The following PYY variants were observed in gnomAD, a reference collection of about 807,000 sequenced individuals.
PYY encodes peptide YY.
PYY carries 12 observed loss-of-function variants against 10.3 expected under a neutral mutation model. That is an observed-to-expected ratio of 1.17 (90% CI 0.75 to 1.89). The LOEUF (loss-of-function observed/expected upper bound fraction) is 1.89, where lower values mean the gene tolerates loss of function less well. PYY is among the 40% of genes most tolerant of loss of function. The pLI, the probability that PYY is intolerant of heterozygous loss-of-function variation, is 0.00. For missense variants in PYY, 141 were observed against 134.0 expected (o/e 1.05, Z -0.26); for synonymous variants, 66 against 62.0 (o/e 1.06, Z -0.30).
intron 1 of PYY, among the ~76,000 whole-genome samples, chr17:43,984,928 AGTT>A (rs72122591): frequency 0.16 from 24,272 of 152,142 alleles, 2,167 homozygotes; most frequent in Non-Finnish European, 0.21. Context: ...TCTCTTCTAA[AGTT>A]GTAGAAAAGT....
chr17:43,999,814 T>C (rs147073612), intron 1 of PYY, among the ~76,000 whole-genome samples: 9 of 150,388 alleles, frequency 6.0e-5, no homozygotes, highest in Admixed American at 6.0e-4. Context: ...GGAAAATAAC[T>C]GTGTTTATAT....
chr17:43,962,821 G>A (rs1186813599), intron 2 of PYY, among the ~76,000 whole-genome samples: 1 of 152,170 alleles, frequency 6.6e-6, no homozygotes, highest in Non-Finnish European at 1.5e-5. Context: ...AGCAGGCGAG[G>A]GCAAGGGCAC....
At chr17:43,988,529 AG>A (rs547949581) in intron 1 of PYY, among the ~76,000 whole-genome samples, 1 of 152,106 alleles carries the variant, frequency 6.6e-6, no homozygotes, top group Non-Finnish European at 1.5e-5. Context: ...TGCCACCCTG[AG>A]CACTCCAGGG....
intron 2 of PYY, among the ~76,000 whole-genome samples, chr17:43,965,440 C>T (rs2048747448): frequency 6.7e-6 from 1 of 149,520 alleles, no homozygotes; most frequent in Non-Finnish European, 1.5e-5. Flanking sequence ...GAGATCATGC[C>T]ATTGCACTCC....
chr17:43,989,908 AT>A (rs2143952870), intron 1 of PYY, among the ~76,000 whole-genome samples: 23 of 129,694 alleles, frequency 1.8e-4, no homozygotes, highest in South Asian at 2.6e-4. Context: ...ATACACACAA[AT>A]CTATAAGTAA....
At chr17:43,957,448 A>G (rs1016880412), upstream of PYY, among the ~76,000 whole-genome samples, 1 of 152,114 alleles carries the variant, frequency 6.6e-6, no homozygotes, top group Non-Finnish European at 1.5e-5. Context: ...ATCTGAGGCC[A>G]GGAGTTCAAG....
At chr17:43,980,781 T>A (rs952770677) in intron 1 of PYY, among the ~76,000 whole-genome samples, 3 of 152,158 alleles carry the variant, frequency 2.0e-5, no homozygotes, top group African/African-American at 7.2e-5. Context: ...CACATAGTAT[T>A]CTTTTAGGTT....
intron 1 of PYY, among the ~76,000 whole-genome samples, chr17:43,984,433 C>T (rs2048903277): frequency 6.6e-6 from 1 of 152,252 alleles, no homozygotes; most frequent in South Asian, 2.1e-4. Context: ...TAATATCTAA[C>T]TGAACTGGGG....
intron 1 of PYY, among the ~76,000 whole-genome samples, chr17:43,986,922 T>A (rs1236122338): frequency 1.3e-5 from 2 of 152,174 alleles, no homozygotes; most frequent in African/African-American, 4.8e-5. Context: ...AGCAATCCTA[T>A]GAGGTTCACA....
At chr17:43,980,353 G>A (rs2048874780) in intron 1 of PYY, among the ~76,000 whole-genome samples, 1 of 151,438 alleles carries the variant, frequency 6.6e-6, no homozygotes, top group Non-Finnish European at 1.5e-5. Flanking sequence ...TAGTAGAGAT[G>A]GGGTTTCACC....
intron 1 of PYY, among the ~76,000 whole-genome samples, chr17:43,980,174 T>G (rs1464544589): frequency 2.0e-5 from 3 of 147,246 alleles, no homozygotes; most frequent in Non-Finnish European, 4.5e-5. Context: ...TTTTTTTTTT[T>G]TTTTTCTGAG....
At chr17:43,959,035 C>T (rs1458744151) in intron 2 of PYY, among the ~76,000 whole-genome samples, 2 of 152,182 alleles carry the variant, frequency 1.3e-5, no homozygotes, top group Admixed American at 6.5e-5. Context: ...CATCAGATTG[C>T]TTCACAAGTG....
At chr17:44,003,670 C>CAA (rs34426332) in intron 1 of PYY, among the ~76,000 whole-genome samples, 28 of 17,156 alleles carry the variant, frequency 1.6e-3, no homozygotes, top group Admixed American at 2.6e-3. Context: ...AACAAACAAA[C>CAA]AAAAAAAAAA....
intron 2 of PYY, 31 bp downstream of exon 2, chr17:43,953,265 C>T (rs990030011): frequency 1.2e-6 from 2 of 1,603,848 alleles, no homozygotes; most frequent in African/African-American, 2.8e-5. Flanking sequence ...GGGTGAGAGC[C>T]CCAGGGGTCC....
upstream of PYY, among the ~76,000 whole-genome samples, chr17:43,954,590 C>G (rs2048660116): frequency 6.6e-6 from 1 of 152,156 alleles, no homozygotes; most frequent in Non-Finnish European, 1.5e-5. Flanking sequence ...AGGCAGAAAC[C>G]AATCTCCCCG....
chr17:43,964,842 G>A (rs2048743507), intron 2 of PYY, among the ~76,000 whole-genome samples: 1 of 152,182 alleles, frequency 6.6e-6, no homozygotes. Flanking sequence ...GTAATAACTG[G>A]TGGTGCCAGT....
At chr17:43,998,886 T>C (rs2049007204) in intron 1 of PYY, among the ~76,000 whole-genome samples, 1 of 152,158 alleles carries the variant, frequency 6.6e-6, no homozygotes, top group South Asian at 2.1e-4. Context: ...ATGTCTATTA[T>C]ATTAGGTCCA....
At position 43,976,207 on chromosome 17, in the gene PYY, A is replaced by G. The variant is rs1287363325; in HGVS notation, c.-462-9675T>C. Among the ~76,000 whole-genome samples, 5 of 144,700 alleles carry G rather than the reference A, an allele frequency of 3.5e-5. 2 individuals are homozygous for G. Among genetic ancestry groups the G allele is most frequent in the Non-Finnish European group, 3.0e-5 (2 of 66,562 alleles). 94.9% of individuals were successfully genotyped at this position (144,700 alleles called of 152,430 possible). A position where few individuals can be genotyped will look rare whatever the true frequency, so the allele number is the denominator to read the frequency against. ...TACGTATATGTATACATATATACATATACGTATATGTATACATATATACAT... is the reference window on the plus strand; with the variant it reads ...TACGTATATGTATACATATATACATGTACGTATATGTATACATATATACAT... On this transcript the variant is annotated intron_variant, in intron 1 of 6. Coordinates refer to the PYY transcript ENST00000360085.
In PYY at chr17:43,952,906, CA is replaced by C; in HGVS notation, c.*49del. 1 of 1,520,104 alleles carries C rather than the reference CA, an allele frequency of 6.6e-7. No individual in the cohort carries two copies. Among genetic ancestry groups the C allele is most frequent in the Non-Finnish European group, 8.8e-7 (1 of 1,135,362 alleles). 94.2% of individuals were successfully genotyped at this position (1,520,104 alleles called of 1,614,324 possible). A position where few individuals can be genotyped will look rare whatever the true frequency, so the allele number is the denominator to read the frequency against. The stretch of plus-strand genomic sequence containing the variant: ...GTTTCTGGGGTCGGGAGTGCGTATG[CA>C]AATGACGTGGGCGTGGTTGGCAGAT... On this transcript the variant is annotated 3_prime_UTR_variant, in exon 4 of 4. Transcript: ENST00000692052.
Sources: gnomAD v4.1 joint callset for allele counts (sites outside exome capture counted in the v4.1 genomes callset) on GRCh38, gnomAD v4.1.1 for gene constraint, MANE v1.5 for transcripts, NCBI Gene and HGNC (gene_info 2026-07-23, HGNC 2026-07-21) for gene names.